The following GALNT17 variants were observed in gnomAD, a reference collection of about 807,000 sequenced individuals.
GALNT17 encodes the protein polypeptide N-acetylgalactosaminyltransferase 17.
In GALNT17, 29 loss-of-function variants were observed where a neutral mutation model predicts 63.7. That is an observed-to-expected ratio of 0.46 (90% CI 0.34 to 0.62). The LOEUF (loss-of-function observed/expected upper bound fraction) is 0.62, where lower values mean the gene tolerates loss of function less well. Ranked by LOEUF, GALNT17 falls within the 20% of genes least tolerant of loss-of-function variation. The probability of loss-of-function intolerance (pLI) is 0.01; values close to 1 mark genes in which losing one functional copy is unlikely to be tolerated. For missense variants in GALNT17, 603 were observed against 799.6 expected (o/e 0.75, Z 2.97); for synonymous variants, 305 against 318.3 (o/e 0.96, Z 0.45).
intron 6 of GALNT17, among the ~76,000 whole-genome samples, chr7:71,664,372 G>T (rs937879813): frequency 6.6e-6 from 1 of 152,186 alleles, no homozygotes; most frequent in Admixed American, 6.5e-5. Context: ...CACTTTGGGA[G>T]GCCAAGGTGG....
intron 1 of GALNT17, among the ~76,000 whole-genome samples, chr7:71,249,171 G>A (rs1183461186): frequency 7.2e-5 from 11 of 152,162 alleles, no homozygotes; most frequent in African/African-American, 2.4e-5. Flanking sequence ...CATTCTTAAG[G>A]TTCATCTTTA....
In GALNT17 at chr7:71,132,768, C is replaced by T; in HGVS notation, c.-35C>T. The T allele has an allele frequency of 1.3e-6, 2 of 1,539,034 alleles. No homozygotes were observed. Among genetic ancestry groups the T allele is most frequent in the Non-Finnish European group, 1.8e-6 (2 of 1,135,630 alleles). ...CGCGCCTCGCCGGAGCCCGAGGGGGCGCAGGTCCGGGGCGAGGGCCGGCCG... is the reference window on the plus strand; with the variant it reads ...CGCGCCTCGCCGGAGCCCGAGGGGGTGCAGGTCCGGGGCGAGGGCCGGCCG... On this transcript the variant is annotated 5_prime_UTR_variant, in exon 1 of 11. Transcript: ENST00000333538.
Position 71,421,190 on chromosome 7 carries a change from G to A in GALNT17, c.962+85G>A, listed in dbSNP as rs1270904250. The stretch of plus-strand genomic sequence containing the variant: ...CTACTGAGAGAGGCCAGGAAAGCCT[G>A]CCTTGGGCTCGAGCAGCTGTGTGCA... On this transcript the variant is annotated intron_variant, in intron 5 of 10. Coordinates refer to ENST00000333538, the MANE Select transcript of GALNT17 (RefSeq NM_022479.3). The A allele has an allele frequency of 6.8e-6, 10 of 1,471,368 alleles. 1 individual carries two copies. In the South Asian group the frequency reaches 1.2e-4, roughly 18 times the overall value. 91.1% of individuals were successfully genotyped at this position (1,471,368 alleles called of 1,614,324 possible).
chr7:71,485,412 G>A (rs1440356867), intron 5 of GALNT17, among the ~76,000 whole-genome samples: 1 of 152,146 alleles, frequency 6.6e-6, no homozygotes, highest in Non-Finnish European at 1.5e-5. Context: ...AGGCATTTTT[G>A]TTCTTCTAGT....
intron 5 of GALNT17, among the ~76,000 whole-genome samples, chr7:71,492,703 A>T (rs1788030617): frequency 6.6e-6 from 1 of 152,226 alleles, no homozygotes; most frequent in Non-Finnish European, 1.5e-5. Context: ...AATCTGTCAA[A>T]TGGAGACAGT....
intron 1 of GALNT17, among the ~76,000 whole-genome samples, chr7:71,175,166 T>G (rs1397709065): frequency 6.6e-6 from 1 of 152,122 alleles, no homozygotes; most frequent in Admixed American, 6.5e-5. Context: ...CTTTCTTCCT[T>G]TCTTCCTTTC....
chr7:71,414,338 T>G (rs1793486315), intron 3 of GALNT17, among the ~76,000 whole-genome samples: 1 of 152,238 alleles, frequency 6.6e-6, no homozygotes, highest in South Asian at 2.1e-4. Flanking sequence ...ACATTAATAA[T>G]TATGATAAAC....
intron 3 of GALNT17, among the ~76,000 whole-genome samples, chr7:71,392,322 G>A (rs542796252): frequency 3.9e-4 from 60 of 152,268 alleles, no homozygotes; most frequent in African/African-American, 1.4e-3. Flanking sequence ...GGGTGATGGA[G>A]CTTAATTTCA....
chr7:71,360,930 G>A (rs1234588578), intron 2 of GALNT17, among the ~76,000 whole-genome samples: 1 of 152,092 alleles, frequency 6.6e-6, no homozygotes. Flanking sequence ...AGAACAAGAC[G>A]CCTTGCTCCT....
intron 6 of GALNT17, among the ~76,000 whole-genome samples, chr7:71,654,799 T>C (rs1359761265): frequency 1.3e-5 from 2 of 152,144 alleles, no homozygotes; most frequent in Admixed American, 6.6e-5. Context: ...TATTGCATTA[T>C]TTTATTTTGA....
At chr7:71,419,406 G>T (rs573779474) in intron 4 of GALNT17, among the ~76,000 whole-genome samples, 35 of 152,244 alleles carry the variant, frequency 2.3e-4, no homozygotes, top group African/African-American at 8.4e-4. Context: ...GGTTGCATTA[G>T]TCAACACATG....
intron 5 of GALNT17, among the ~76,000 whole-genome samples, chr7:71,563,009 G>A (rs915094054): frequency 1.3e-5 from 2 of 152,098 alleles, no homozygotes; most frequent in African/African-American, 4.8e-5. Context: ...TGCAAATATC[G>A]GGCTGCCACC....
At chr7:71,634,334 C>T (rs772270131) in intron 6 of GALNT17, among the ~76,000 whole-genome samples, 5 of 152,086 alleles carry the variant, frequency 3.3e-5, no homozygotes, top group Non-Finnish European at 5.9e-5. Context: ...TATTCTGAGC[C>T]GAATGTGAGT....
intron 5 of GALNT17, among the ~76,000 whole-genome samples, chr7:71,506,614 A>G (rs1437007435): frequency 1.3e-5 from 2 of 152,184 alleles, no homozygotes; most frequent in Non-Finnish European, 2.9e-5. Context: ...TAATTAACAA[A>G]TAATAATTGT....
intron 1 of GALNT17, among the ~76,000 whole-genome samples, chr7:71,313,582 AAAT>A (rs1174857691): frequency 1.3e-5 from 2 of 152,232 alleles, no homozygotes; most frequent in African/African-American, 4.8e-5. Context: ...CTGTGAAAAA[AAAT>A]AACTTCAATG....
At chr7:71,315,764 G>A (rs1791488210) in intron 1 of GALNT17, among the ~76,000 whole-genome samples, 1 of 152,156 alleles carries the variant, frequency 6.6e-6, no homozygotes, top group African/African-American at 2.4e-5. Context: ...TCAAGGGCAG[G>A]TGCAGAGTGC....
intron 5 of GALNT17, among the ~76,000 whole-genome samples, chr7:71,466,001 TGGATCTA>T (rs1224416348): frequency 6.6e-6 from 1 of 152,138 alleles, no homozygotes; most frequent in Admixed American, 6.5e-5. Flanking sequence ...CAATCTCTCC[TGGATCTA>T]GGAAAGGTCT....
At chr7:71,231,670 CAGAT>C (rs1382918709) in intron 1 of GALNT17, among the ~76,000 whole-genome samples, 1 of 134,684 alleles carries the variant, frequency 7.4e-6, no homozygotes, top group Non-Finnish European at 1.5e-5. Flanking sequence ...CCTCACATGA[CAGAT>C]AGAGCAAGGA....
chr7:71,167,525 T>G (rs1788464882), intron 1 of GALNT17, among the ~76,000 whole-genome samples: 1 of 152,178 alleles, frequency 6.6e-6, no homozygotes, highest in South Asian at 2.1e-4. Context: ...TCACAAATAT[T>G]TTCTCCTAAT....
Sources: gnomAD v4.1 joint callset for allele counts (sites outside exome capture counted in the v4.1 genomes callset) on GRCh38, gnomAD v4.1.1 for gene constraint, MANE v1.5 for transcripts, NCBI Gene and HGNC (gene_info 2026-07-23, HGNC 2026-07-21) for gene names.